Variants in VRK2 observed in about 807,000 individuals in gnomAD.
VRK2 encodes the protein VRK serine/threonine kinase 2, also known as serine/threonine-protein kinase VRK2.
Under a neutral mutation model 57.6 loss-of-function variants are expected in VRK2, and 60 were observed. The observed-to-expected ratio is 1.04, with a 90% confidence interval of 0.85 to 1.29. The LOEUF (loss-of-function observed/expected upper bound fraction) is 1.29, where lower values mean the gene tolerates loss of function less well. Ranked by LOEUF, VRK2 falls within the 50% of genes most tolerant of loss-of-function variation. VRK2 has a pLI of 0.00. For synonymous variants in VRK2, 231 were observed against 199.2 expected, an observed-to-expected ratio of 1.16 and a Z score of -1.35; for missense variants, 705 against 588.1, an observed-to-expected ratio of 1.20 and a Z score of -2.06.
chr2:58,122,985 TAATAA>T, intron 7 of VRK2, 111 bp from the exon 8 acceptor site: 1 of 1,328,834 alleles, frequency 7.5e-7, no homozygotes, highest in Non-Finnish European at 9.9e-7. Context: ...CCATTTGGTT[TAATAA>T]AATGTAGATC....
At chr2:57,921,085 G>C (rs904067076) in intron 1 of VRK2, among the ~76,000 whole-genome samples, 2 of 151,940 alleles carry the variant, frequency 1.3e-5, no homozygotes, top group Non-Finnish European at 2.9e-5. Flanking sequence ...CTAGGACTTG[G>C]TGTTCTTTCT....
chr2:58,155,416 A>T (rs1048408897), intron 12 of VRK2, among the ~76,000 whole-genome samples: 9 of 151,980 alleles, frequency 5.9e-5, no homozygotes, highest in Non-Finnish European at 1.2e-4. Context: ...GGTGGGGAGG[A>T]AGACAGGTAC....
intron 1 of VRK2, among the ~76,000 whole-genome samples, chr2:57,962,893 T>C (rs1671803205): frequency 6.6e-6 from 1 of 152,204 alleles, no homozygotes; most frequent in Non-Finnish European, 1.5e-5. Flanking sequence ...GCCTTTGTGC[T>C]GTGAAGTTCA....
intron 2 of VRK2, among the ~76,000 whole-genome samples, chr2:58,029,892 G>A (rs1254879698): frequency 6.6e-6 from 1 of 152,136 alleles, no homozygotes; most frequent in Non-Finnish European, 1.5e-5. Context: ...GAACTCTAGA[G>A]TTATTGGCAT....
chr2:58,097,744 C>G (rs2104313311), intron 7 of VRK2, among the ~76,000 whole-genome samples: 1 of 152,200 alleles, frequency 6.6e-6, no homozygotes, highest in Admixed American at 6.5e-5. Flanking sequence ...CTGGTATAAA[C>G]AAACCTGTGC....
At chr2:57,963,429 T>G (rs908873478) in intron 1 of VRK2, among the ~76,000 whole-genome samples, 4 of 152,212 alleles carry the variant, frequency 2.6e-5, no homozygotes, top group Admixed American at 6.5e-5. Context: ...TTTACCATGT[T>G]CGGCAAATCC....
chr2:58,015,432 C>T (rs992221192), intron 1 of VRK2, among the ~76,000 whole-genome samples: 1 of 152,180 alleles, frequency 6.6e-6, no homozygotes, highest in African/African-American at 2.4e-5. Context: ...CTTTCTGATT[C>T]TATTGACCTT....
chr2:58,008,122 G>C (rs990749806), intron 1 of VRK2, among the ~76,000 whole-genome samples: 1 of 152,086 alleles, frequency 6.6e-6, no homozygotes, highest in Non-Finnish European at 1.5e-5. Context: ...AAATCATACA[G>C]AGCATGTTTT....
chr2:58,146,340 A>G lies in VRK2; in HGVS notation c.1048A>G (p.Lys350Glu). 1 of 1,610,824 alleles carries G rather than the reference A, an allele frequency of 6.2e-7. No homozygotes were observed. The highest frequency in any genetic ancestry group is 8.5e-7 in the Non-Finnish European group (1 of 1,177,856). ...GGTTGATTCACAAAAGGCTGCAACAAAGCAAGTCAACAAGGCACACAATAG... is the reference window on the plus strand; with the variant it reads ...GGTTGATTCACAAAAGGCTGCAACAGAGCAAGTCAACAAGGCACACAATAG... Reference protein sequence around the residue: ...QKVDSQKAATKQVNKAHNRLI... With the variant: ...QKVDSQKAATEQVNKAHNRLI... Residue 350 changes from lysine (K) to glutamate (E), a missense_variant, in exon 12 of 13, where the codon AAG becomes GAG. Lys to Glu is a moderately conservative substitution (Grantham distance 56). Transcript: ENST00000340157.
At chr2:58,069,261 A>G (rs1161098011) in intron 2 of VRK2, among the ~76,000 whole-genome samples, 1 of 152,202 alleles carries the variant, frequency 6.6e-6, no homozygotes, top group Admixed American at 6.6e-5. Flanking sequence ...TAGCAAAAGT[A>G]TTGTTCAGGT....
At chr2:57,998,636 T>A (rs1243719792) in intron 1 of VRK2, among the ~76,000 whole-genome samples, 1 of 152,184 alleles carries the variant, frequency 6.6e-6, no homozygotes, top group Non-Finnish European at 1.5e-5. Context: ...TTTACTTTAA[T>A]GAACGGGCCT....
intron 2 of VRK2, among the ~76,000 whole-genome samples, chr2:58,054,412 CAT>C (rs1676210275): frequency 6.6e-6 from 1 of 150,564 alleles, no homozygotes; most frequent in South Asian, 2.1e-4. Context: ...TAATTTGAAA[CAT>C]ATTGCTGTGG....
At chr2:57,994,269 C>CTTTA (rs1672857244) in intron 1 of VRK2, among the ~76,000 whole-genome samples, 1 of 152,084 alleles carries the variant, frequency 6.6e-6, no homozygotes, top group African/African-American at 2.4e-5. Flanking sequence ...GGAGAACAGC[C>CTTTA]TTTACTAATG....
At chr2:57,961,424 C>G (rs1671755052) in intron 1 of VRK2, among the ~76,000 whole-genome samples, 1 of 152,102 alleles carries the variant, frequency 6.6e-6, no homozygotes, top group Non-Finnish European at 1.5e-5. Flanking sequence ...GACAATAAGT[C>G]ACAGATATAG....
chr2:58,132,028 G>T, intron 9 of VRK2, 100 bp downstream of exon 9: 1 of 1,415,444 alleles, frequency 7.1e-7, no homozygotes, highest in South Asian at 1.4e-5. Flanking sequence ...CACCCAACAT[G>T]ACAACCAAAG....
chr2:58,077,517 C>T (rs1171334269), intron 2 of VRK2, among the ~76,000 whole-genome samples: 3 of 150,408 alleles, frequency 2.0e-5, no homozygotes, highest in Non-Finnish European at 4.5e-5. Context: ...AGCGTCTCCT[C>T]CATTTTTTTT....
intron 1 of VRK2, among the ~76,000 whole-genome samples, chr2:57,983,004 C>A (rs1248898790): frequency 6.6e-6 from 1 of 152,190 alleles, no homozygotes; most frequent in Non-Finnish European, 1.5e-5. Flanking sequence ...ACACTTACTT[C>A]ATTCACCCCT....
chr2:58,156,618 T>C (rs1683917051), intron 12 of VRK2, among the ~76,000 whole-genome samples: 1 of 151,584 alleles, frequency 6.6e-6, no homozygotes, highest in Non-Finnish European at 1.5e-5. Flanking sequence ...GTTTTGTTTT[T>C]GCCTGACCTC....
intron 10 of VRK2, among the ~76,000 whole-genome samples, chr2:58,137,078 A>T (rs111206865): frequency 0.1 from 11,090 of 109,716 alleles, 1,910 homozygotes; most frequent in African/African-American, 0.38. Context: ...ATCATATATA[A>T]CATATATATG....
Sources: allele counts gnomAD v4.1 joint callset (sites outside exome capture counted in the v4.1 genomes callset), GRCh38; gene constraint gnomAD v4.1.1; transcripts MANE v1.5; gene names NCBI Gene and HGNC (gene_info 2026-07-23, HGNC 2026-07-21).